The following WDR76 variants were observed in gnomAD, a reference collection of about 807,000 sequenced individuals.
WDR76 encodes the protein WD repeat domain 76, also known as WD repeat-containing protein 76.
In WDR76, 52 loss-of-function variants were observed where a neutral mutation model predicts 70.2. The observed-to-expected ratio is 0.74, with a 90% CI of 0.59 to 0.93. The LOEUF (loss-of-function observed/expected upper bound fraction) is 0.93, where lower values mean the gene tolerates loss of function less well. Among genes scored for constraint, WDR76 ranks in the 40% least tolerant of loss-of-function variants. WDR76 has a pLI of 0.00. For missense variants in WDR76, 756 were observed against 760.2 expected, an observed-to-expected ratio of 0.99 and a Z score of 0.07; for synonymous variants, 292 against 271.1, an observed-to-expected ratio of 1.08 and a Z score of -0.76.
At position 43,842,475 on chromosome 15, in the gene WDR76, C is replaced by T. The variant is rs1290291010; in HGVS notation, c.793C>T (p.Arg265Ter). 5 of 1,613,918 alleles carry T rather than the reference C, an allele frequency of 3.1e-6. No homozygotes were observed. Among genetic ancestry groups the T allele is most frequent in the Non-Finnish European group, 4.2e-6 (5 of 1,179,980 alleles). The change falls in exon 6 of 13, where the codon CGA (arginine) becomes TGA (stop). Residue 265 changes from arginine to a stop codon, truncating the protein, a stop_gained. Coordinates refer to ENST00000263795, the MANE Select transcript of WDR76 (RefSeq NM_024908.4). LOFTEE classifies it high-confidence loss of function. ...TGAAAATCAAGAAGACAACAATGAA[C>T]GATTTAAAGGATTTCTGCACACATG... The part of the protein sequence containing the change: ...TSENQEDNNE[R>*]FKGFLHTWAG...
chr15:43,843,345 G>A (rs570398970), intron 7 of WDR76, among the ~76,000 whole-genome samples: 27 of 151,952 alleles, frequency 1.8e-4, no homozygotes, highest in Non-Finnish European at 3.1e-4. Context: ...TTTCATTTGC[G>A]GTTGCATGTT....
intron 12 of WDR76, among the ~76,000 whole-genome samples, chr15:43,862,308 A>ATTTTTTTTTTTTT (rs60991615): frequency 1.8e-5 from 1 of 56,974 alleles, no homozygotes; most frequent in Non-Finnish European, 3.2e-5. Context: ...CAGGTCCACA[A>ATTTTTTTTTTTTT]TTTTTTTTTT....
At chr15:43,859,201 C>T (rs1224550008) in intron 11 of WDR76, among the ~76,000 whole-genome samples, 1 of 150,756 alleles carries the variant, frequency 6.6e-6, no homozygotes, top group Non-Finnish European at 1.5e-5. Flanking sequence ...TGCAGAGCCC[C>T]AGACCATGGG....
rs1390836593 is a variant in WDR76, at chr15:43,857,083, T to G, written c.1329T>G (p.Leu443=). The change falls in exon 10 of 13, where the codon CTT becomes CTG. Residue 443 remains leucine, a synonymous_variant. Transcript: ENST00000263795. The stretch of plus-strand genomic sequence containing the variant: ...CACCTGGAACTTCTTATGAGAAACT[T>G]ACCAGTTCTTCTATGGGAAAAATAA... ...RRTPGTSYEK[L]TSSSMGKIRT... is the part of the protein sequence containing the mutation. The G allele has an allele frequency of 7.4e-6, 12 of 1,614,002 alleles. No homozygotes were observed. The Admixed American group carries it at 1.3e-4, about 18-fold the overall frequency.
chr15:43,847,086 A>G (rs2087798773), intron 8 of WDR76, among the ~76,000 whole-genome samples: 3 of 150,878 alleles, frequency 2.0e-5, no homozygotes, highest in South Asian at 2.1e-4. Context: ...ATCTCCATCA[A>G]CCTAATTTTC....
chr15:43,853,916 CAAAAA>C (rs1181186211), intron 9 of WDR76, among the ~76,000 whole-genome samples: 5 of 136,910 alleles, frequency 3.7e-5, no homozygotes, highest in African/African-American at 1.4e-4. Flanking sequence ...AAAAAAAAAA[CAAAAA>C]AAAACAAAAA....
chr15:43,851,330 G>A, intron 9 of WDR76, 85 bp downstream of exon 9: 1 of 1,530,192 alleles, frequency 6.5e-7, no homozygotes, highest in Middle Eastern at 1.7e-4. Context: ...TATACCAATT[G>A]GGAGAAGTGG....
chr15:43,828,769 G>T (rs762059411), intron 2 of WDR76, among the ~76,000 whole-genome samples: 1 of 152,132 alleles, frequency 6.6e-6, no homozygotes, highest in Non-Finnish European at 1.5e-5. Flanking sequence ...AACATAAATT[G>T]ATTCTATGGT....
chr15:43,856,536 A>G (rs1443606144), intron 9 of WDR76, among the ~76,000 whole-genome samples: 2 of 151,764 alleles, frequency 1.3e-5, no homozygotes, highest in Non-Finnish European at 1.5e-5. Flanking sequence ...TGACATGGGT[A>G]GATGGGCCAT....
chr15:43,862,921 G>A (rs907086721), intron 12 of WDR76, among the ~76,000 whole-genome samples: 2 of 151,000 alleles, frequency 1.3e-5, no homozygotes, highest in Admixed American at 1.3e-4. Flanking sequence ...GGGATTACAA[G>A]TGTGAGCCAC....
At position 43,866,149 on chromosome 15, in the gene WDR76, A is replaced by T; in HGVS notation, c.1638A>T (p.Arg546=). The stretch of plus-strand genomic sequence containing the variant: ...CTAGGCACAACACTTTCACTGGGCG[A>T]TGGCTGACCAGGTTCCAAGCCATGT... The part of the protein sequence containing the change: ...TTIRHNTFTG[R]WLTRFQAMWD... The change falls in exon 13 of 13, where the codon CGA becomes CGT. Residue 546 remains arginine (R), a synonymous_variant. Transcript: ENST00000263795. 6.2e-7 allele frequency: 1 copy of T among 1,614,210 alleles called. No homozygotes were observed. The highest frequency in any genetic ancestry group is 1.7e-5 in the Admixed American group (1 of 60,024).
At chr15:43,859,604 A>G (rs1056816973) in intron 11 of WDR76, among the ~76,000 whole-genome samples, 6 of 152,014 alleles carry the variant, frequency 3.9e-5, no homozygotes, top group Admixed American at 6.6e-5. Flanking sequence ...GCAGTGTGTG[A>G]CAGGTGTCTA....
chr15:43,832,417 C>A (rs1462837169), intron 2 of WDR76, among the ~76,000 whole-genome samples: 1 of 146,274 alleles, frequency 6.8e-6, no homozygotes, highest in East Asian at 2.1e-4. Flanking sequence ...CATGCCGAGG[C>A]CTGGGTTCAT....
At chr15:43,843,869 A>G (rs1054743446) in intron 7 of WDR76, 32 bp from the exon 8 acceptor site, 2 of 1,522,652 alleles carry the variant, frequency 1.3e-6, no homozygotes, top group Non-Finnish European at 1.8e-6. Context: ...GATTGGTTTT[A>G]CTTACAAAAT....
chr15:43,855,251 T>C (rs768619062), intron 9 of WDR76, among the ~76,000 whole-genome samples: 1 of 152,216 alleles, frequency 6.6e-6, no homozygotes, highest in African/African-American at 2.4e-5. Context: ...TGAGTGTGCT[T>C]TATATACATC....
intron 9 of WDR76, among the ~76,000 whole-genome samples, chr15:43,852,625 C>T (rs1410541387): frequency 1.3e-5 from 2 of 152,102 alleles, no homozygotes; most frequent in African/African-American, 4.8e-5. Context: ...CTGCCTCAGC[C>T]TCCCAAAGTG....
chr15:43,837,042 C>CA (rs541159343), intron 4 of WDR76, among the ~76,000 whole-genome samples: 4,109 of 58,106 alleles, frequency 0.071, 66 homozygotes, highest in Non-Finnish European at 0.078. Context: ...CTCCATCTCA[C>CA]AAAAAAAAAA....
intron 9 of WDR76, among the ~76,000 whole-genome samples, chr15:43,853,893 G>A (rs1167136131): frequency 4.1e-5 from 2 of 49,082 alleles, no homozygotes; most frequent in East Asian, 0.019. Context: ...GCGACAGAGC[G>A]AGACTGTCTC....
At chr15:43,859,573 C>G (rs369649816) in intron 11 of WDR76, among the ~76,000 whole-genome samples, 2 of 152,154 alleles carry the variant, frequency 1.3e-5, no homozygotes, top group African/African-American at 4.8e-5. Context: ...TTAAACCCAC[C>G]TGATGGGAAG....
Sources: gnomAD v4.1 joint callset for allele counts (sites outside exome capture counted in the v4.1 genomes callset) on GRCh38, gnomAD v4.1.1 for gene constraint, MANE v1.5 for transcripts, NCBI Gene and HGNC (gene_info 2026-07-23, HGNC 2026-07-21) for gene names.